CDC123: variants seen among roughly 807,000 people sequenced by gnomAD.
CDC123 encodes translation initiation factor eIF2 assembly protein.
CDC123 carries 37 observed loss-of-function variants against 54.4 expected under a neutral mutation model. The observed-to-expected ratio is 0.68, with a 90% CI of 0.52 to 0.89. The LOEUF is 0.89. Ranked by LOEUF, CDC123 falls within the 40% of genes least tolerant of loss-of-function variation. CDC123 has a pLI of 0.00. For synonymous variants in CDC123, 144 were observed against 136.8 expected (o/e 1.05, Z -0.37); for missense variants, 361 against 412.1 (o/e 0.88, Z 1.07).
intron 6 of CDC123, among the ~76,000 whole-genome samples, chr10:12,217,705 A>C (rs949724865): frequency 2.0e-5 from 3 of 152,258 alleles, no homozygotes; most frequent in Non-Finnish European, 4.4e-5. Context: ...TAAACATTTC[A>C]GTAATTTTTT....
In CDC123 at chr10:12,246,108, A is replaced by G. The variant is rs1162815898; in HGVS notation, c.718-41A>G. Reference sequence around the variant, plus strand: ...GTTTCTTTCTCAGAAGACAGAGTACAGAAGATGTTTGTTTTTGTTTTTTCT... The same window carrying G: ...GTTTCTTTCTCAGAAGACAGAGTACGGAAGATGTTTGTTTTTGTTTTTTCT... On this transcript the variant is annotated intron_variant, in intron 10 of 12. Transcript: ENST00000281141. 1.9e-6 allele frequency: 3 copies of G among 1,601,054 alleles called. No individual in the cohort carries two copies. The African/African-American group carries it at 4.0e-5, about 22-fold the overall frequency.
intron 10 of CDC123, among the ~76,000 whole-genome samples, chr10:12,241,874 GTTCTGATTCCCT>G (rs1836062760): frequency 6.6e-6 from 1 of 152,154 alleles, no homozygotes; most frequent in Non-Finnish European, 1.5e-5. Context: ...TTGTGTCTGA[GTTCTGATTCCCT>G]TCCTGTGGCC....
At position 12,232,916 on chromosome 10, in the gene CDC123, C is replaced by T. The variant is rs560952377; in HGVS notation, c.489+1920C>T. On this transcript the variant is annotated intron_variant, in intron 7 of 12. Transcript: ENST00000281141. ...CTGGGATTACAGGCACCCGCCACTC[C>T]GCCTGGCTAATTTTTTGTATTTTTA... Among the ~76,000 whole-genome samples, 4 of 152,002 alleles carry T rather than the reference C, an allele frequency of 2.6e-5. No homozygotes were observed. In the East Asian group the frequency reaches 5.8e-4, roughly 22 times the overall value.
intron 10 of CDC123, among the ~76,000 whole-genome samples, chr10:12,240,661 C>T (rs574687458): frequency 2.6e-5 from 4 of 152,084 alleles, no homozygotes; most frequent in African/African-American, 9.7e-5. Context: ...ATGGCTTGAG[C>T]CCAGGAGTTT....
At position 12,246,249 on chromosome 10, in the gene CDC123, A is replaced by G; in HGVS notation, c.818A>G (p.Asp273Gly). 6.2e-7 allele frequency: 1 copy of G among 1,614,148 alleles called. No individual in the cohort carries two copies. Among genetic ancestry groups the G allele is most frequent in the Non-Finnish European group, 8.5e-7 (1 of 1,180,018 alleles). ...ELISENNLNG[D>G]FSEVDAQEQD... ...ATATCTGAGAACAACTTAAACGGCGATTTTAGTGAAGTTGACGCTCAAGAG... is the reference window on the plus strand; with the variant it reads ...ATATCTGAGAACAACTTAAACGGCGGTTTTAGTGAAGTTGACGCTCAAGAG... The change falls in exon 11 of 13, where the codon GAT (aspartate) becomes GGT (glycine). Residue 273 changes from aspartate (D) to glycine (G), a missense_variant. Coordinates refer to ENST00000281141, the MANE Select transcript of CDC123 (RefSeq NM_006023.3).
chr10:12,249,854 G>C (rs1836217059), intron 12 of CDC123, 136 bp downstream of exon 12: 2 of 1,137,106 alleles, frequency 1.8e-6, no homozygotes, highest in Non-Finnish European at 2.4e-6. Flanking sequence ...TACTGAGTTA[G>C]AGCATTTTCT....
chr10:12,219,684 A>G (rs894995948), intron 6 of CDC123, among the ~76,000 whole-genome samples: 2 of 113,434 alleles, frequency 1.8e-5, no homozygotes, highest in East Asian at 5.1e-4. Context: ...AATTCAACTG[A>G]TAATGGTTTT....
chr10:12,237,510 T>C (rs1588681855), intron 9 of CDC123: 2 of 200,794 alleles, frequency 1.0e-5, no homozygotes, highest in Admixed American at 6.1e-5. Flanking sequence ...TCGCGGCTCG[T>C]GCAGCTTCCA....
At chr10:12,200,412 C>T (rs1835425731) in intron 2 of CDC123, among the ~76,000 whole-genome samples, 2 of 151,942 alleles carry the variant, frequency 1.3e-5, no homozygotes, top group South Asian at 4.2e-4. Context: ...AGGCGTGAGC[C>T]ACTGTGCCCA....
At position 12,230,991 on chromosome 10, in the gene CDC123, T is replaced by C; in HGVS notation, c.484T>C (p.Tyr162His). The C allele has an allele frequency of 6.2e-7, 1 of 1,608,982 alleles. No homozygotes were observed. The highest frequency in any genetic ancestry group is 8.5e-7 in the Non-Finnish European group (1 of 1,177,216). Residue 162 changes from tyrosine to histidine, a missense_variant, in exon 7 of 13, where the codon TAT (tyrosine) becomes CAT (histidine). Coordinates refer to ENST00000281141, the MANE Select transcript of CDC123 (RefSeq NM_006023.3). ...TDDSPDPCIE[Y>H]ELVLRKWCEL... Reference sequence around the variant, plus strand: ...TGATTCTCCAGATCCATGTATAGAATATGAGGTAAGAAGCTTATTTTCTTT... The same window carrying C: ...TGATTCTCCAGATCCATGTATAGAACATGAGGTAAGAAGCTTATTTTCTTT...
intron 2 of CDC123, among the ~76,000 whole-genome samples, chr10:12,204,992 C>CAAAAAA (rs35683792): frequency 1.6e-5 from 1 of 64,478 alleles, no homozygotes; most frequent in African/African-American, 5.2e-5. Flanking sequence ...GACTCCATAT[C>CAAAAAA]AAAAAAAAAA....
intron 6 of CDC123, among the ~76,000 whole-genome samples, chr10:12,217,946 G>A (rs371159768): frequency 2.0e-5 from 3 of 152,062 alleles, no homozygotes; most frequent in Non-Finnish European, 4.4e-5. Context: ...AAAATTAGCC[G>A]GGCGTGGTGG....
At chr10:12,239,714 A>T (rs1316973033) in intron 10 of CDC123, among the ~76,000 whole-genome samples, 1 of 145,860 alleles carries the variant, frequency 6.9e-6, no homozygotes. Flanking sequence ...GTTTTTTAAA[A>T]AAAAAAAAAA....
intron 2 of CDC123, among the ~76,000 whole-genome samples, chr10:12,200,933 CA>C (rs35686650): frequency 0.024 from 3,517 of 147,968 alleles, 139 homozygotes; most frequent in African/African-American, 0.083. Context: ...AACTTCGTCT[CA>C]AAAAAAAAAA....
At chr10:12,210,977 C>T (rs1835590880) in intron 4 of CDC123, among the ~76,000 whole-genome samples, 1 of 152,186 alleles carries the variant, frequency 6.6e-6, no homozygotes. Context: ...CCTGAGATTA[C>T]AGTTCTGAGC....
intron 6 of CDC123, among the ~76,000 whole-genome samples, chr10:12,222,254 A>G (rs1835746955): frequency 6.6e-6 from 1 of 152,224 alleles, no homozygotes; most frequent in Non-Finnish European, 1.5e-5. Context: ...GTACTCTAGA[A>G]AATACTGCTT....
intron 2 of CDC123, among the ~76,000 whole-genome samples, chr10:12,208,179 T>C (rs982057535): frequency 6.6e-6 from 1 of 152,220 alleles, no homozygotes; most frequent in Admixed American, 6.5e-5. Context: ...TCCTTTTCTT[T>C]CTTTAGTCTT....
intron 3 of CDC123, 101 bp downstream of exon 3, chr10:12,210,125 G>A: frequency 1.4e-6 from 2 of 1,462,376 alleles, no homozygotes; most frequent in Non-Finnish European, 1.9e-6. Context: ...CTGATAAAAT[G>A]AGAAATTACG....
At chr10:12,209,226 A>G (rs376433259) in intron 2 of CDC123, among the ~76,000 whole-genome samples, 9 of 151,754 alleles carry the variant, frequency 5.9e-5, no homozygotes, top group East Asian at 5.8e-4. Context: ...ATGCAACTGT[A>G]CTCTCATTTA....
Sources: allele counts gnomAD v4.1 joint callset (sites outside exome capture counted in the v4.1 genomes callset), GRCh38; gene constraint gnomAD v4.1.1; transcripts MANE v1.5; gene names NCBI Gene and HGNC (gene_info 2026-07-23, HGNC 2026-07-21).